The following ITSN1 variants were observed in gnomAD, a reference collection of about 807,000 sequenced individuals.
ITSN1 encodes the protein intersectin 1, also known as intersectin-1.
A neutral mutation model predicts 239.8 loss-of-function variants in ITSN1; 58 were observed. That is an observed-to-expected ratio of 0.24 (90% CI 0.20 to 0.30). The LOEUF (loss-of-function observed/expected upper bound fraction) is 0.30. ITSN1 is among the 10% of genes least tolerant of loss of function. The pLI, the probability that ITSN1 is intolerant of heterozygous loss-of-function variation, is 1.00. For missense variants in ITSN1, 1,558 were observed against 2,103.3 expected (o/e 0.74, Z 5.07); for synonymous variants, 780 against 770.8 (o/e 1.01, Z -0.20).
At chr21:33,699,146 A>G (rs902855001) in intron 1 of ITSN1, among the ~76,000 whole-genome samples, 2 of 152,150 alleles carry the variant, frequency 1.3e-5, no homozygotes, top group Non-Finnish European at 2.9e-5. Context: ...TTTAAAATAT[A>G]CACATTTTTA....
chr21:33,879,820 T>C (rs955269018), intron 34 of ITSN1, among the ~76,000 whole-genome samples: 19 of 152,108 alleles, frequency 1.2e-4, no homozygotes, highest in African/African-American at 4.6e-4. Flanking sequence ...GCTGGAACTA[T>C]AGGGGCCCAG....
chr21:33,670,604 A>T (rs971673048), intron 1 of ITSN1, among the ~76,000 whole-genome samples: 1 of 152,182 alleles, frequency 6.6e-6, no homozygotes, highest in Non-Finnish European at 1.5e-5. Flanking sequence ...CAGTGCATAC[A>T]TGCATGAATC....
Position 33,867,277 on chromosome 21 carries a change from T to C in ITSN1, c.4119T>C (p.Ser1373=). The C allele has an allele frequency of 6.2e-7, 1 of 1,611,008 alleles. No individual in the cohort carries two copies. Among genetic ancestry groups the C allele is most frequent in the East Asian group, 2.2e-5 (1 of 44,852 alleles). ...DPRCKGMPLS[S]FILKPMQRVT... is the part of the protein sequence containing the mutation. ...GGTGTAAAGGGATGCCACTCTCTAG[T>C]TTTATACTGAAGCCTATGCAACGGG... Residue 1373 remains serine (S), a synonymous_variant, in exon 33 of 40, where the codon AGT becomes AGC. Transcript: ENST00000381318.
At chr21:33,650,587 C>T (rs1319550610) in intron 1 of ITSN1, among the ~76,000 whole-genome samples, 2 of 152,154 alleles carry the variant, frequency 1.3e-5, no homozygotes, top group South Asian at 4.1e-4. Flanking sequence ...AATTCATTTC[C>T]GCTCTGAACT....
At position 33,882,500 on chromosome 21, in the gene ITSN1, G is replaced by A; in HGVS notation, c.4554+45G>A. 1 of 1,553,322 alleles carries A rather than the reference G, an allele frequency of 6.4e-7. No homozygotes were observed. Among genetic ancestry groups the A allele is most frequent in the South Asian group, 1.1e-5 (1 of 87,538 alleles). On this transcript the variant is annotated intron_variant, in intron 35 of 39. Coordinates refer to ENST00000381318, the MANE Select transcript of ITSN1 (RefSeq NM_003024.3). The surrounding 1 kb of genome is among the most constrained non-coding windows in gnomAD (Gnocchi z 4.5). ...TTGCATTATCAGGGTTGACGTGTTT[G>A]GGGAGGAAGAAGTTTCCAAAAAGGA...
chr21:33,674,163 T>C (rs73197981), intron 1 of ITSN1, among the ~76,000 whole-genome samples: 26 of 152,356 alleles, frequency 1.7e-4, no homozygotes, highest in Non-Finnish European at 3.2e-4. Context: ...CTAGGACTCA[T>C]TGGTACCTTT....
chr21:33,806,267 C>A (rs1181209641), intron 20 of ITSN1, among the ~76,000 whole-genome samples: 1 of 152,040 alleles, frequency 6.6e-6, no homozygotes, highest in Non-Finnish European at 1.5e-5. Context: ...CCTTATATTT[C>A]AAAACCGGCA....
intron 24 of ITSN1, among the ~76,000 whole-genome samples, chr21:33,820,489 T>G (rs1982728434): frequency 1.3e-5 from 2 of 152,348 alleles, no homozygotes; most frequent in African/African-American, 4.8e-5. Context: ...ATAATGAGAT[T>G]GTTAACATTC....
chr21:33,858,006 G>A (rs1259941759), intron 30 of ITSN1, among the ~76,000 whole-genome samples: 1 of 152,134 alleles, frequency 6.6e-6, no homozygotes, highest in African/African-American at 2.4e-5. Context: ...CCTTGCAGGC[G>A]GGGGCTTGCA....
chr21:33,702,425 T>C (rs990730982), intron 1 of ITSN1, among the ~76,000 whole-genome samples: 2 of 152,120 alleles, frequency 1.3e-5, no homozygotes, highest in Non-Finnish European at 2.9e-5. Context: ...CCAAAAAAAT[T>C]TGAAAATTTT....
At chr21:33,834,738 A>C (rs2074502154) in intron 28 of ITSN1, among the ~76,000 whole-genome samples, 1 of 150,292 alleles carries the variant, frequency 6.7e-6, no homozygotes, top group Admixed American at 6.6e-5. Context: ...ATTGGGGTTT[A>C]GGCTAGGGGG....
chr21:33,778,038 T>C (rs2069788737), intron 14 of ITSN1, among the ~76,000 whole-genome samples: 1 of 152,218 alleles, frequency 6.6e-6, no homozygotes, highest in Non-Finnish European at 1.5e-5. Context: ...GATAAGTATG[T>C]GTTTTTTCTT....
chr21:33,738,861 C>A (rs1224351648), intron 5 of ITSN1, among the ~76,000 whole-genome samples: 2 of 152,176 alleles, frequency 1.3e-5, no homozygotes, highest in Non-Finnish European at 2.9e-5. Context: ...ATGGCACGAT[C>A]ATAGCTCACT....
intron 5 of ITSN1, among the ~76,000 whole-genome samples, chr21:33,742,456 A>G (rs1326876950): frequency 6.6e-6 from 1 of 152,246 alleles, no homozygotes; most frequent in African/African-American, 2.4e-5. Context: ...GGAAGAGGGA[A>G]GAATTAGGGT....
In ITSN1 at chr21:33,779,063, C is replaced by G. The variant is rs573484641; in HGVS notation, c.1597-2398C>G. On this transcript the variant is annotated intron_variant, in intron 14 of 39. Transcript: ENST00000381318. ...CCTCCTTCTTCTTTTCTTGATCAGT[C>G]TATCTGGAGTTTGTTTATTTTTAAA... Among the ~76,000 whole-genome samples, 3 of 151,556 alleles carry G rather than the reference C, an allele frequency of 2.0e-5. No individual in the cohort carries two copies. The East Asian group carries it at 5.8e-4, about 29-fold the overall frequency.
In ITSN1 at chr21:33,782,801, G is replaced by A. The variant is rs532587824; in HGVS notation, c.1824+668G>A. Among the ~76,000 whole-genome samples, 751 of 152,182 alleles carry A rather than the reference G, an allele frequency of 4.9e-3. 4 individuals are homozygous for A. The highest frequency in any genetic ancestry group is 0.017 in the African/African-American group (708 of 41,520). ...AGCCCTTTGGGAGGCCGAGGCAGGC[G>A]GATCATGAGGTCAGGAGATCGAGAC... On this transcript the variant is annotated intron_variant, in intron 16 of 39. Coordinates refer to ENST00000381318, the MANE Select transcript of ITSN1 (RefSeq NM_003024.3).
intron 29 of ITSN1, among the ~76,000 whole-genome samples, chr21:33,852,098 A>G (rs1305767485): frequency 1.3e-5 from 2 of 151,884 alleles, no homozygotes; most frequent in Admixed American, 6.6e-5. Context: ...GCTTGCTATT[A>G]ATATTTTTAA....
In ITSN1 at chr21:33,896,737, C is replaced by T. The variant is rs571026009; in HGVS notation, c.*8437C>T. 2 of 152,386 alleles carry T rather than the reference C, an allele frequency of 1.3e-5. No homozygotes were observed. Among genetic ancestry groups the T allele is most frequent in the South Asian group, 2.1e-4 (1 of 4,824 alleles). 9.4% of individuals were successfully genotyped at this position (152,386 alleles called of 1,614,324 possible). On this transcript the variant is annotated 3_prime_UTR_variant, in exon 40 of 40. Coordinates refer to ENST00000381318, the MANE Select transcript of ITSN1 (RefSeq NM_003024.3). Reference sequence around the variant, plus strand: ...GGCTTCCTGTTGTTGCTTTCTTTCACGAGCTTTTACTTTTCCTGGGCTGGA... The same window carrying T: ...GGCTTCCTGTTGTTGCTTTCTTTCATGAGCTTTTACTTTTCCTGGGCTGGA...
At chr21:33,853,876 A>T (rs573038124) in intron 29 of ITSN1, among the ~76,000 whole-genome samples, 2 of 152,110 alleles carry the variant, frequency 1.3e-5, no homozygotes, top group Non-Finnish European at 2.9e-5. Flanking sequence ...TGACCTCAAC[A>T]TGGTGGGGAA....
Sources: allele counts gnomAD v4.1 joint callset (sites outside exome capture counted in the v4.1 genomes callset), GRCh38; gene constraint gnomAD v4.1.1; non-coding constraint Gnocchi (gnomAD v3.1); transcripts MANE v1.5; gene names NCBI Gene and HGNC (gene_info 2026-07-23, HGNC 2026-07-21).